ACSBG1: variants seen among roughly 807,000 people sequenced by gnomAD.
ACSBG1 encodes the protein long-chain-fatty-acid--CoA ligase ACSBG1.
In ACSBG1, 39 loss-of-function variants were observed where a neutral mutation model predicts 80.2. The observed-to-expected ratio is 0.49, with a 90% CI of 0.38 to 0.64. ACSBG1 has a LOEUF of 0.64. ACSBG1 is among the 30% of genes least tolerant of loss of function. The probability of loss-of-function intolerance (pLI) is 0.00; values close to 1 mark genes in which losing one functional copy is unlikely to be tolerated. For synonymous variants in ACSBG1, 392 were observed against 379.5 expected, an observed-to-expected ratio of 1.03 and a Z score of -0.38; for missense variants, 828 against 966.4, an observed-to-expected ratio of 0.86 and a Z score of 1.90.
rs2074816882 is a variant in ACSBG1 at position 78,171,178 on chromosome 15, C to A, written c.*266G>T. Reference sequence around the variant, plus strand: ...GCCAAAAATTATCAGCCCTTTCGTTCTGGAAGGAGAGCTGATCTCATTTGT... The same window carrying A: ...GCCAAAAATTATCAGCCCTTTCGTTATGGAAGGAGAGCTGATCTCATTTGT... On this transcript the variant is annotated 3_prime_UTR_variant, in exon 14 of 14. Transcript: ENST00000258873. The A allele has an allele frequency of 3.3e-6, 1 of 302,564 alleles. No individual in the cohort carries two copies. Among genetic ancestry groups the A allele is most frequent in the African/African-American group, 2.1e-5 (1 of 46,534 alleles). The allele number at this position is 302,564 out of a possible 1,614,324, so 18.7% of individuals were successfully genotyped here. A position where few individuals can be genotyped will look rare whatever the true frequency, so the allele number is the denominator to read the frequency against.
At chr15:78,179,810 A>C (rs1192169828) in intron 9 of ACSBG1, 30 bp from the exon 10 acceptor site, 3 of 1,356,672 alleles carry the variant, frequency 2.2e-6, no homozygotes, top group South Asian at 2.4e-5. Context: ...GGTTCACAGA[A>C]GAAATCACAC....
At chr15:78,205,694 C>G (rs2075207397) in intron 2 of ACSBG1, among the ~76,000 whole-genome samples, 1 of 152,208 alleles carries the variant, frequency 6.6e-6, no homozygotes, top group Non-Finnish European at 1.5e-5. Flanking sequence ...GGGCTTGATT[C>G]TTCTTATTCA....
chr15:78,224,578 A>T (rs1292931436), intron 1 of ACSBG1, among the ~76,000 whole-genome samples: 2 of 151,990 alleles, frequency 1.3e-5, no homozygotes, highest in Non-Finnish European at 2.9e-5. Context: ...AAAATTAGCC[A>T]GGCGTGGTGG....
At chr15:78,201,704 A>G (rs1464430634) in intron 2 of ACSBG1, among the ~76,000 whole-genome samples, 1 of 152,186 alleles carries the variant, frequency 6.6e-6, no homozygotes, top group Non-Finnish European at 1.5e-5. Flanking sequence ...TCCTCTGCCA[A>G]TCTCCCTCTC....
At chr15:78,180,644 T>C in intron 9 of ACSBG1, 111 bp downstream of exon 9, 4 of 1,414,596 alleles carry the variant, frequency 2.8e-6, no homozygotes, top group Non-Finnish European at 3.8e-6. Flanking sequence ...TCTCCAGAGC[T>C]GCCCGGCCAC....
rs896067468 is a variant in ACSBG1, at chr15:78,188,153, C to G, written c.663+5353G>C. On this transcript the variant is annotated intron_variant, in intron 5 of 13. Transcript: ENST00000258873. ...GGACCTCTTCAAGGAGAAGTACAAA[C>G]CACTGCTCAAGGAAATAAAAGAGGA... 2.0e-5 allele frequency among the ~76,000 whole-genome samples: 3 copies of G among 152,108 alleles called. No homozygotes were observed. In the South Asian group the frequency reaches 6.2e-4, roughly 32 times the overall value.
chr15:78,227,061 A>C (rs1336348092), intron 1 of ACSBG1, among the ~76,000 whole-genome samples: 5 of 150,954 alleles, frequency 3.3e-5, no homozygotes, highest in African/African-American at 1.2e-4. Flanking sequence ...CTCTACTAAA[A>C]ATACAAAACT....
intron 4 of ACSBG1, 117 bp from the exon 5 acceptor site, chr15:78,193,743 G>T: frequency 6.8e-7 from 1 of 1,463,198 alleles, no homozygotes. Flanking sequence ...GGCAGGAGGG[G>T]CTCCCAAGGC....
chr15:78,194,788 G>T (rs2075097931), intron 2 of ACSBG1, 62 bp from the exon 3 acceptor site: 1 of 1,539,692 alleles, frequency 6.5e-7, no homozygotes, highest in Non-Finnish European at 8.8e-7. Flanking sequence ...GTCCTGCCCT[G>T]GGCAGAGCTC....
chr15:78,200,657 G>A (rs1406072697), intron 2 of ACSBG1, among the ~76,000 whole-genome samples: 2 of 152,128 alleles, frequency 1.3e-5, no homozygotes, highest in African/African-American at 2.4e-5. Context: ...CTTCAAGGAA[G>A]ACCCCGGCAC....
intron 2 of ACSBG1, among the ~76,000 whole-genome samples, chr15:78,207,535 G>A (rs997731840): frequency 5.3e-5 from 8 of 151,880 alleles, no homozygotes; most frequent in African/African-American, 1.9e-4. Context: ...TTTGATGGTG[G>A]AGATCAAGAA....
At chr15:78,229,931 C>T (rs945310118) in intron 1 of ACSBG1, among the ~76,000 whole-genome samples, 2 of 152,166 alleles carry the variant, frequency 1.3e-5, no homozygotes, top group East Asian at 1.9e-4. Context: ...CATGGCCACC[C>T]GTAACATCTT....
rs938118300 is a variant in ACSBG1 at position 78,182,604 on chromosome 15, G to A, written c.756C>T (p.Phe252=). 3 of 1,614,084 alleles carry A rather than the reference G, an allele frequency of 1.9e-6. No individual in the cohort carries two copies. The highest frequency in any genetic ancestry group is 2.5e-6 in the Non-Finnish European group (3 of 1,179,968). Residue 252 remains phenylalanine (F), a synonymous_variant, in exon 7 of 14, where the codon TTC becomes TTT. Transcript: ENST00000258873. The stretch of plus-strand genomic sequence containing the variant: ...CAGGCACTTCATTCCCCAGCTCCAT[G>A]AATTCCTCCATCTGTAGCCAGATGC... ...KMANVYTMEE[F]MELGNEVPEE...
chr15:78,182,808 T>A, intron 5 of ACSBG1, 23 bp from the exon 6 acceptor site: 1 of 1,612,666 alleles, frequency 6.2e-7, no homozygotes, highest in East Asian at 2.2e-5. Flanking sequence ...GAAAAATAGA[T>A]CAGGTTTCAG....
chr15:78,205,997 C>T (rs1186117941), intron 2 of ACSBG1, among the ~76,000 whole-genome samples: 1 of 152,184 alleles, frequency 6.6e-6, no homozygotes, highest in Non-Finnish European at 1.5e-5. Flanking sequence ...GGAACTCACC[C>T]ACGCTGTAGC....
At position 78,194,583 on chromosome 15, in the gene ACSBG1, G is replaced by C. The variant is rs763873166; in HGVS notation, c.376C>G (p.Arg126Gly). ...YGDLIALGFK[R>G]QDKWEHISYS... ...GAGATGTGTTCCCACTTGTCCTGGC[G>C]CTTGAAGCCCAAAGCGATGAGGTCC... The change falls in exon 3 of 14, where the codon CGC becomes GGC. Residue 126 changes from arginine (R) to glycine (G), a missense_variant. By Grantham distance (125) the Arg-to-Gly change is moderately radical. Coordinates refer to ENST00000258873, the MANE Select transcript of ACSBG1 (RefSeq NM_015162.5). 6.2e-7 allele frequency: 1 copy of C among 1,614,236 alleles called. No individual in the cohort carries two copies. The highest frequency in any genetic ancestry group is 8.5e-7 in the Non-Finnish European group (1 of 1,180,042).
At chr15:78,232,724 G>C (rs2075457091) in intron 1 of ACSBG1, among the ~76,000 whole-genome samples, 1 of 151,390 alleles carries the variant, frequency 6.6e-6, no homozygotes, top group Non-Finnish European at 1.5e-5. Context: ...TGCTCTCGTG[G>C]CCCAGGCTGG....
At chr15:78,232,291 G>C (rs1402779869) in intron 1 of ACSBG1, among the ~76,000 whole-genome samples, 2 of 152,164 alleles carry the variant, frequency 1.3e-5, no homozygotes, top group Non-Finnish European at 2.9e-5. Context: ...CACTCAGCAA[G>C]AAAGTAGTAG....
intron 2 of ACSBG1, 79 bp downstream of exon 2, chr15:78,207,923 A>AACCCCCCCCCCC: frequency 3.5e-6 from 1 of 284,792 alleles, no homozygotes; most frequent in Non-Finnish European, 7.2e-6. Context: ...GTGGTCCCCC[A>AACCCCCCCCCCC]CACCACCCAC....
Sources: gnomAD v4.1 joint callset for allele counts (sites outside exome capture counted in the v4.1 genomes callset) on GRCh38, gnomAD v4.1.1 for gene constraint, MANE v1.5 for transcripts, NCBI Gene and HGNC (gene_info 2026-07-23, HGNC 2026-07-21) for gene names.